Variants in MEI4 observed in about 807,000 individuals in gnomAD.
The protein encoded by MEI4 is meiosis-specific protein MEI4.
MEI4 carries 27 observed loss-of-function variants against 31.4 expected under a neutral mutation model. That is an observed-to-expected ratio of 0.86 (90% CI 0.63 to 1.19). The LOEUF is 1.19. MEI4 is among the 50% of genes most tolerant of loss of function. The pLI, the probability that MEI4 is intolerant of heterozygous loss-of-function variation, is 0.00. For synonymous variants in MEI4, 122 were observed against 145.4 expected (o/e 0.84, Z 1.16); for missense variants, 329 against 398.9 (o/e 0.82, Z 1.49).
rs577792620 is a variant in MEI4, at chr6:77,926,319, G to T, written c.*2973G>T. On this transcript the variant is annotated 3_prime_UTR_variant, in exon 5 of 5. Transcript: ENST00000684080. ...GAACAGCATCTTTGACCTTTTCAGGGTTGTAGCATCTTGCTACTCAAGACT... is the reference window on the plus strand; with the variant it reads ...GAACAGCATCTTTGACCTTTTCAGGTTTGTAGCATCTTGCTACTCAAGACT... 1 of 151,970 alleles carries T rather than the reference G, an allele frequency of 6.6e-6. No homozygotes were observed. Among genetic ancestry groups the T allele is most frequent in the East Asian group, 1.9e-4 (1 of 5,144 alleles). 9.4% of individuals were successfully genotyped at this position (151,970 alleles called of 1,614,324 possible).
rs1582029958 is a variant in MEI4, at chr6:77,694,439, A to T, written c.232+3536A>T. Among the ~76,000 whole-genome samples, 5 of 109,976 alleles carry T rather than the reference A, an allele frequency of 4.5e-5. No homozygotes were observed. In the South Asian group the frequency reaches 1.5e-3, roughly 33 times the overall value. The allele number at this position is 109,976 out of a possible 152,430, so 72.1% of individuals were successfully genotyped here. On this transcript the variant is annotated intron_variant, in intron 2 of 4. Transcript: ENST00000684080. Reference sequence around the variant, plus strand: ...CCCCCCACCCCACAACAGACCCCGGAGTGTGATGTTCCCCTTCCTGTGTCC... The same window carrying T: ...CCCCCCACCCCACAACAGACCCCGGTGTGTGATGTTCCCCTTCCTGTGTCC...
intron 3 of MEI4, among the ~76,000 whole-genome samples, chr6:77,802,570 G>T (rs1769297085): frequency 6.6e-6 from 1 of 152,112 alleles, no homozygotes; most frequent in Non-Finnish European, 1.5e-5. Context: ...TAGCCTCAAT[G>T]GTCTTTATAA....
In MEI4 at chr6:77,700,218, C is replaced by A. The variant is rs181228756; in HGVS notation, c.232+9315C>A. 2.6e-5 allele frequency among the ~76,000 whole-genome samples: 4 copies of A among 152,322 alleles called. No individual in the cohort carries two copies. The East Asian group carries it at 7.7e-4, about 29-fold the overall frequency. On this transcript the variant is annotated intron_variant, in intron 2 of 4. Transcript: ENST00000684080. ...GTGGAGCCTACCGGGGCAGGCAGGC[C>A]TCCTTGAGCTGTGGTGGGCTCCACC...
chr6:77,862,367 C>T (rs1050693974), intron 4 of MEI4, among the ~76,000 whole-genome samples: 1 of 152,242 alleles, frequency 6.6e-6, no homozygotes, highest in African/African-American at 2.4e-5. Flanking sequence ...AATCAGGTCA[C>T]TCCCACACTA....
intron 3 of MEI4, among the ~76,000 whole-genome samples, chr6:77,764,106 C>T (rs1768109142): frequency 6.6e-6 from 1 of 152,038 alleles, no homozygotes. Flanking sequence ...ACCACCACAC[C>T]CGGCCTGTTG....
chr6:77,853,413 T>A (rs1770678701), intron 4 of MEI4, among the ~76,000 whole-genome samples: 2 of 152,178 alleles, frequency 1.3e-5, no homozygotes, highest in African/African-American at 4.8e-5. Flanking sequence ...ATTTTAATAA[T>A]AGCAAAAACA....
intron 3 of MEI4, among the ~76,000 whole-genome samples, chr6:77,770,391 A>G (rs1248044249): frequency 6.6e-6 from 1 of 152,138 alleles, no homozygotes; most frequent in Non-Finnish European, 1.5e-5. Context: ...AATGGAAAAC[A>G]TCCAATGCTC....
intron 4 of MEI4, among the ~76,000 whole-genome samples, chr6:77,850,414 C>T (rs556550680): frequency 5.3e-5 from 8 of 152,260 alleles, no homozygotes; most frequent in African/African-American, 1.7e-4. Flanking sequence ...ACCAAAACAG[C>T]ATGGTACTGG....
chr6:77,840,346 C>T (rs1434187232), intron 4 of MEI4, among the ~76,000 whole-genome samples: 4 of 152,062 alleles, frequency 2.6e-5, no homozygotes, highest in Non-Finnish European at 1.5e-5. Flanking sequence ...AACAAAGTCT[C>T]AGGAATCTGT....
chr6:77,764,459 C>A (rs1768119772), intron 3 of MEI4, among the ~76,000 whole-genome samples: 1 of 151,972 alleles, frequency 6.6e-6, no homozygotes. Context: ...TTGCTCCAGT[C>A]TTTATTATTC....
intron 4 of MEI4, among the ~76,000 whole-genome samples, chr6:77,855,087 C>G (rs1471616618): frequency 6.6e-6 from 1 of 151,856 alleles, no homozygotes; most frequent in Non-Finnish European, 1.5e-5. Context: ...ACTTGTAATC[C>G]CAGCCAGCAC....
intron 4 of MEI4, among the ~76,000 whole-genome samples, chr6:77,918,161 G>A (rs1366885664): frequency 6.6e-6 from 1 of 151,310 alleles, no homozygotes; most frequent in Non-Finnish European, 1.5e-5. Context: ...TGCTGTTTTG[G>A]TTACTGTAGC....
intron 1 of MEI4, among the ~76,000 whole-genome samples, chr6:77,674,880 A>G (rs1768812214): frequency 6.6e-6 from 1 of 152,062 alleles, no homozygotes; most frequent in Non-Finnish European, 1.5e-5. Flanking sequence ...CTACATATGG[A>G]TATGTTTTTA....
chr6:77,918,961 G>A (rs1766634109), intron 4 of MEI4, among the ~76,000 whole-genome samples: 1 of 151,934 alleles, frequency 6.6e-6, no homozygotes, highest in Admixed American at 6.6e-5. Flanking sequence ...CTAATTTATT[G>A]AGAGTTTTTA....
intron 3 of MEI4, among the ~76,000 whole-genome samples, chr6:77,764,861 T>G (rs1374682350): frequency 6.7e-6 from 1 of 149,026 alleles, no homozygotes; most frequent in African/African-American, 2.6e-5. Flanking sequence ...TTGAACAAAC[T>G]TTGTGTCAAA....
intron 4 of MEI4, among the ~76,000 whole-genome samples, chr6:77,841,924 G>A (rs1292803833): frequency 6.6e-6 from 1 of 152,064 alleles, no homozygotes; most frequent in Non-Finnish European, 1.5e-5. Context: ...CCAAATGCTT[G>A]AAACTTCCAA....
At chr6:77,907,783 T>C (rs75212924) in intron 4 of MEI4, among the ~76,000 whole-genome samples, 8 of 152,168 alleles carry the variant, frequency 5.3e-5, no homozygotes, top group Non-Finnish European at 7.3e-5. Flanking sequence ...AAAGTGCTCC[T>C]ATTTCTCCAC....
intron 2 of MEI4, among the ~76,000 whole-genome samples, chr6:77,737,127 T>G (rs1468433189): frequency 6.6e-6 from 1 of 152,210 alleles, no homozygotes; most frequent in South Asian, 2.1e-4. Flanking sequence ...AGTGGCATTT[T>G]AAGGATTTTC....
At chr6:77,729,830 AG>A (rs1255955852) in intron 2 of MEI4, among the ~76,000 whole-genome samples, 5 of 152,228 alleles carry the variant, frequency 3.3e-5, no homozygotes, top group Admixed American at 6.5e-5. Context: ...ATATAAGTTA[AG>A]GAAACAATGC....
Sources: gnomAD v4.1 joint callset for allele counts (sites outside exome capture counted in the v4.1 genomes callset) on GRCh38, gnomAD v4.1.1 for gene constraint, MANE v1.5 for transcripts, NCBI Gene and HGNC (gene_info 2026-07-23, HGNC 2026-07-21) for gene names.